GOLGA8A: variants seen among roughly 807,000 people sequenced by gnomAD.
GOLGA8A encodes the protein golgin A8 family member A.
Under a neutral mutation model 22.1 loss-of-function variants are expected in GOLGA8A, and 3 were observed. The ratio of observed to expected loss-of-function variants is 0.14; its 90% CI spans 0.06 to 0.35. The LOEUF (loss-of-function observed/expected upper bound fraction) is 0.35, where lower values mean the gene tolerates loss of function less well. Ranked by LOEUF, GOLGA8A falls within the 10% of genes least tolerant of loss-of-function variation. The pLI, the probability that GOLGA8A is intolerant of heterozygous loss-of-function variation, is 1.00. For missense variants in GOLGA8A, 16 were observed against 233.2 expected, an observed-to-expected ratio of 0.07 and a Z score of 6.07; for synonymous variants, 7 against 91.7, an observed-to-expected ratio of 0.08 and a Z score of 5.28.
intron 5 of GOLGA8A, among the ~76,000 whole-genome samples, chr15:34,401,039 G>A (rs1466861312): frequency 1.4e-5 from 1 of 71,448 alleles, no homozygotes; most frequent in Non-Finnish European, 3.4e-5. Context: ...AGATTCCATC[G>A]TTATTCCTTT....
rs1205488756 is a variant in GOLGA8A, at chr15:34,425,086, AAAAATAAAT to A, written c.-1123+10288_-1123+10296del. ...TGGGTGACAAAGTAAGACAGTCTCA[AAAAATAAAT>A]AAAATAAATAAAATAAGGCTTATCT... On this transcript the variant is annotated intron_variant, in intron 2 of 24. Transcript: ENST00000359187. 2.7e-5 allele frequency among the ~76,000 whole-genome samples: 4 copies of A among 145,974 alleles called. 1 individual carries two copies. The highest frequency in any genetic ancestry group is 2.4e-4 in the South Asian group (1 of 4,228).
chr15:34,434,403 T>G (rs76494316), intron 2 of GOLGA8A, among the ~76,000 whole-genome samples: 11,942 of 149,046 alleles, frequency 0.08, 1,410 homozygotes, highest in East Asian at 0.16. Context: ...TACGCAGGGT[T>G]CCACATAGAG....
chr15:34,379,255 C>G lies in GOLGA8A; in HGVS notation c.*2156G>C, dbSNP rs1267898059. The G allele has an allele frequency of 1.3e-5, 2 of 152,622 alleles. No homozygotes were observed. The highest frequency in any genetic ancestry group is 2.9e-5 in the Non-Finnish European group (2 of 68,036). 9.5% of individuals were successfully genotyped at this position (152,622 alleles called of 1,614,324 possible). The stretch of plus-strand genomic sequence containing the variant: ...TGGCCTGGAATTGGCATTTCTTTCT[C>G]TACTTTTCCTTCCCACCATTTCTTC... On this transcript the variant is annotated 3_prime_UTR_variant, in exon 25 of 25. Coordinates refer to ENST00000359187, the MANE Select transcript of GOLGA8A (RefSeq NM_181077.5).
At chr15:34,419,273 AAAGC>A (rs1297060900) in intron 2 of GOLGA8A, 2 of 71,896 alleles carry the variant, frequency 2.8e-5, no homozygotes, top group Non-Finnish European at 5.2e-5. Flanking sequence ...CCTCTTTAAC[AAAGC>A]AACAGATGGT....
In GOLGA8A at chr15:34,425,995, C is replaced by T. The variant is rs550663538; in HGVS notation, c.-1123+9388G>A. 1.9e-4 allele frequency among the ~76,000 whole-genome samples: 28 copies of T among 145,330 alleles called. 2 individuals are homozygous for T. Among genetic ancestry groups the T allele is most frequent in the African/African-American group, 7.0e-4 (28 of 40,032 alleles). On this transcript the variant is annotated intron_variant, in intron 2 of 24. Coordinates refer to ENST00000359187, the MANE Select transcript of GOLGA8A (RefSeq NM_181077.5). ...TCAGTGGGGACACCGCTGCCCCACA[C>T]ACTAGCATCATTTAGAATGGTCACC...
chr15:34,437,117 C>A (rs1466651526), intron 1 of GOLGA8A, among the ~76,000 whole-genome samples: 1 of 146,988 alleles, frequency 6.8e-6, no homozygotes, highest in Non-Finnish European at 1.5e-5. Context: ...CGCGGTGAGC[C>A]CCTCCCGGGA....
At chr15:34,435,705 T>C (rs940546835) in intron 1 of GOLGA8A, among the ~76,000 whole-genome samples, 3 of 147,934 alleles carry the variant, frequency 2.0e-5, no homozygotes, top group Non-Finnish European at 4.5e-5. Flanking sequence ...AGCCAGACAG[T>C]GGGGAGGAGC....
chr15:34,435,544 A>T (rs1160757544), intron 1 of GOLGA8A, 73 bp from the exon 2 acceptor site: 2 of 148,992 alleles, frequency 1.3e-5, no homozygotes, highest in Non-Finnish European at 3.0e-5. Flanking sequence ...CCAGCAAGCC[A>T]CAACTTGGGT....
chr15:34,435,566 G>C (rs1426985431), intron 1 of GOLGA8A, 95 bp from the exon 2 acceptor site: 1 of 148,884 alleles, frequency 6.7e-6, no homozygotes, highest in Non-Finnish European at 1.5e-5. Flanking sequence ...TGCGGTGTCA[G>C]AGAAAACATG....
chr15:34,433,867 G>C (rs1207541920), intron 2 of GOLGA8A, among the ~76,000 whole-genome samples: 1 of 149,510 alleles, frequency 6.7e-6, no homozygotes, highest in African/African-American at 2.5e-5. Flanking sequence ...CACAAAGCAA[G>C]GTTAACAAGA....
At chr15:34,418,583 C>T (rs1333937845) in intron 2 of GOLGA8A, 4 of 146,624 alleles carry the variant, frequency 2.7e-5, no homozygotes, top group African/African-American at 7.5e-5. Flanking sequence ...TGGGCAGAGA[C>T]CAGATGTGGG....
chr15:34,436,467 G>A (rs1388830089), intron 1 of GOLGA8A, among the ~76,000 whole-genome samples: 2 of 149,586 alleles, frequency 1.3e-5, no homozygotes, highest in Non-Finnish European at 3.0e-5. Context: ...TGCCTGCCAG[G>A]TCGTTATCTG....
intron 2 of GOLGA8A, among the ~76,000 whole-genome samples, chr15:34,431,454 TATC>T (rs1893250771): frequency 6.8e-6 from 1 of 147,252 alleles, no homozygotes; most frequent in South Asian, 2.2e-4. Context: ...CTGAGAAATT[TATC>T]ATTAGGCAAT....
chr15:34,417,622 ACT>A (rs1202900601), intron 2 of GOLGA8A: 2 of 145,808 alleles, frequency 1.4e-5, no homozygotes, highest in Non-Finnish European at 3.0e-5. Context: ...TATAATAAAC[ACT>A]GTTAGAATGC....
chr15:34,418,339 C>G (rs1892657330), intron 2 of GOLGA8A: 1 of 140,216 alleles, frequency 7.1e-6, no homozygotes, highest in African/African-American at 2.6e-5. Context: ...TAGATGTTTT[C>G]AGGCTCTGAA....
At chr15:34,437,130 C>T (rs2140302744) in intron 1 of GOLGA8A, among the ~76,000 whole-genome samples, 1 of 147,224 alleles carries the variant, frequency 6.8e-6, no homozygotes, top group East Asian at 2.1e-4. Context: ...TCCCGGGATG[C>T]GAAAGCCATC....
At chr15:34,430,600 C>G (rs1893183473) in intron 2 of GOLGA8A, among the ~76,000 whole-genome samples, 1 of 149,418 alleles carries the variant, frequency 6.7e-6, no homozygotes, top group Admixed American at 6.7e-5. Context: ...GCGTACTAGC[C>G]AGAATCAGTT....
At chr15:34,430,382 A>G (rs1233204898) in intron 2 of GOLGA8A, among the ~76,000 whole-genome samples, 1 of 149,134 alleles carries the variant, frequency 6.7e-6, no homozygotes, top group African/African-American at 2.5e-5. Context: ...TCTTCACAAT[A>G]CATGCACAAA....
chr15:34,426,123 C>T lies in GOLGA8A; in HGVS notation c.-1123+9260G>A, dbSNP rs923670748. Among the ~76,000 whole-genome samples the T allele has an allele frequency of 6.7e-5, 10 of 148,892 alleles. 1 individual carries two copies. Among genetic ancestry groups the T allele is most frequent in the Admixed American group, 2.7e-4 (4 of 14,654 alleles). On this transcript the variant is annotated intron_variant, in intron 2 of 24. Transcript: ENST00000359187. ...TAGGAATCTATGCTACGAAAACAAC[C>T]CCATGCAGATGCAAGGGTTTAATGT...
Sources: allele counts gnomAD v4.1 joint callset (sites outside exome capture counted in the v4.1 genomes callset), GRCh38; gene constraint gnomAD v4.1.1; transcripts MANE v1.5; gene names NCBI Gene and HGNC (gene_info 2026-07-23, HGNC 2026-07-21).